The following RAB37 variants were observed in gnomAD, a reference collection of about 807,000 sequenced individuals.
RAB37 encodes the protein RAB37, member RAS oncogene family.
A neutral mutation model predicts 33.1 loss-of-function variants in RAB37; 29 were observed. That is an observed-to-expected ratio of 0.88 (90% CI 0.65 to 1.20). The LOEUF is 1.20. Ranked by LOEUF, RAB37 falls within the 50% of genes most tolerant of loss-of-function variation. The pLI is 0.00. For missense variants in RAB37, 299 were observed against 301.1 expected, an observed-to-expected ratio of 0.99 and a Z score of 0.05; for synonymous variants, 128 against 119.5, an observed-to-expected ratio of 1.07 and a Z score of -0.47.
upstream of RAB37, chr17:74,737,132 C>T (rs764425740): frequency 1.3e-6 from 2 of 1,539,444 alleles, no homozygotes; most frequent in Non-Finnish European, 1.8e-6. Context: ...GAGCCGGTGT[C>T]GTCGAGGGGG....
intron 1 of RAB37, among the ~76,000 whole-genome samples, chr17:74,740,210 C>CA (rs547885619): frequency 0.095 from 13,493 of 141,740 alleles, 675 homozygotes; most frequent in East Asian, 0.17. Context: ...TGTTGTGACA[C>CA]AAAAAAAAAA....
intron 1 of RAB37, among the ~76,000 whole-genome samples, chr17:74,728,700 T>C (rs1435848740): frequency 6.6e-6 from 1 of 151,840 alleles, no homozygotes; most frequent in Admixed American, 6.6e-5. Context: ...GTTCTGTGCA[T>C]GTGTGTGCAT....
Position 74,737,332 on chromosome 17 carries a change from G to A in RAB37, c.60G>A (p.Pro20=), listed in dbSNP as rs1448950901. The A allele has an allele frequency of 1.3e-6, 2 of 1,577,886 alleles. No homozygotes were observed. The highest frequency in any genetic ancestry group is 1.3e-5 in the African/African-American group (1 of 74,834). The change falls in exon 1 of 9, where the codon CCG becomes CCA. Residue 20 remains proline (P), a synonymous_variant. Transcript: ENST00000392613. ...ATGGCGAGGCCCCCGAGCGCTCCCC[G>A]CCCTGCAGTCCGAGCTACGACCTCA... The part of the protein sequence containing the change: ...TRDGEAPERS[P]PCSPSYDLTG...
chr17:74,745,243 G>T lies in RAB37; in HGVS notation c.567-63G>T. On this transcript the variant is annotated intron_variant, in intron 8 of 8. Transcript: ENST00000392613. The surrounding 1 kb of genome is among the most constrained non-coding windows in gnomAD (Gnocchi z 4.5). Reference sequence around the variant, plus strand: ...ACTGGGCCACTGGGAGAGGGGAGGGGGCGGCTCAGCTCCTCACCCCAGCCC... The same window carrying T: ...ACTGGGCCACTGGGAGAGGGGAGGGTGCGGCTCAGCTCCTCACCCCAGCCC... 6.4e-7 allele frequency: 1 copy of T among 1,555,296 alleles called. No individual in the cohort carries two copies. The highest frequency in any genetic ancestry group is 1.7e-4 in the Middle Eastern group (1 of 5,800).
At chr17:74,733,339 G>A (rs1173185348), upstream of RAB37, among the ~76,000 whole-genome samples, 1 of 152,024 alleles carries the variant, frequency 6.6e-6, no homozygotes, top group Admixed American at 6.6e-5. Context: ...ATAATGTAGG[G>A]TGTGAGGCAT....
Position 74,742,035 on chromosome 17 carries a change from G to A in RAB37, c.205-219G>A, listed in dbSNP as rs1048457635. Among the ~76,000 whole-genome samples the A allele has an allele frequency of 6.6e-6, 1 of 152,196 alleles. No homozygotes were observed. The highest frequency in any genetic ancestry group is 1.5e-5 in the Non-Finnish European group (1 of 68,034). On this transcript the variant is annotated intron_variant, in intron 2 of 8. Transcript: ENST00000392613. The surrounding 1 kb of genome is among the most constrained non-coding windows in gnomAD (Gnocchi z 4.0). Reference sequence around the variant, plus strand: ...TTTCTCAGGCTCCTCTTGCCCTGCTGTTGTGAGAAGGCAGTTACAGTCCTC... The same window carrying A: ...TTTCTCAGGCTCCTCTTGCCCTGCTATTGTGAGAAGGCAGTTACAGTCCTC...
At chr17:74,727,399 C>A (rs928551419) in intron 1 of RAB37, among the ~76,000 whole-genome samples, 2 of 152,192 alleles carry the variant, frequency 1.3e-5, no homozygotes, top group Admixed American at 1.3e-4. Context: ...CAGGTTGGAT[C>A]CCCGTGAAGG....
chr17:74,701,868 A>T (rs1240236440), intron 1 of RAB37, among the ~76,000 whole-genome samples: 2 of 146,190 alleles, frequency 1.4e-5, no homozygotes, highest in Admixed American at 6.9e-5. Context: ...AAAAAAAAAC[A>T]ATTAGCTGGG....
chr17:74,704,408 T>C, intron 1 of RAB37: 1 of 1,121,570 alleles, frequency 8.9e-7, no homozygotes, highest in Non-Finnish European at 1.3e-6. Context: ...TTAAATCACT[T>C]GAGTAGGACC....
At chr17:74,724,709 C>T (rs1261481797) in intron 1 of RAB37, among the ~76,000 whole-genome samples, 1 of 152,124 alleles carries the variant, frequency 6.6e-6, no homozygotes, top group Non-Finnish European at 1.5e-5. Context: ...AGTACATTCT[C>T]AAGGGTGGGG....
chr17:74,703,227 C>T, intron 1 of RAB37: 2 of 1,144,996 alleles, frequency 1.7e-6, no homozygotes, highest in Admixed American at 2.0e-5. Context: ...CAGCTCTGAG[C>T]CTGGGCGGGG....
intron 1 of RAB37, chr17:74,694,996 G>T: frequency 7.5e-7 from 1 of 1,327,260 alleles, no homozygotes; most frequent in Non-Finnish European, 1.0e-6. Flanking sequence ...AGAGGCACCA[G>T]TCCCCGGGTT....
chr17:74,709,993 T>G (rs527928889), intron 1 of RAB37, among the ~76,000 whole-genome samples: 2 of 152,336 alleles, frequency 1.3e-5, no homozygotes, highest in South Asian at 4.1e-4. Flanking sequence ...TTGTTTGTTT[T>G]TTTGAGATGG....
At chr17:74,714,068 G>A (rs1226008206) in intron 1 of RAB37, among the ~76,000 whole-genome samples, 1 of 151,894 alleles carries the variant, frequency 6.6e-6, no homozygotes, top group Non-Finnish European at 1.5e-5. Context: ...AAAATTAGCT[G>A]GGCGTGGTAG....
intron 1 of RAB37, among the ~76,000 whole-genome samples, chr17:74,683,293 G>T (rs895089774): frequency 6.6e-6 from 1 of 152,226 alleles, no homozygotes; most frequent in Non-Finnish European, 1.5e-5. Context: ...ACCATCCAGG[G>T]AAGAGGTTGA....
intron 1 of RAB37, among the ~76,000 whole-genome samples, chr17:74,707,837 C>G (rs1165783797): frequency 4.0e-5 from 6 of 151,772 alleles, no homozygotes; most frequent in South Asian, 2.1e-4. Flanking sequence ...CAATGTTATG[C>G]CAATGAATTT....
At chr17:74,728,894 GT>G (rs1276437786) in intron 1 of RAB37, among the ~76,000 whole-genome samples, 1 of 151,758 alleles carries the variant, frequency 6.6e-6, no homozygotes, top group East Asian at 1.9e-4. Flanking sequence ...GTGTACATGT[GT>G]TTTTCTGTGT....
At chr17:74,717,744 G>A (rs1463506049) in intron 1 of RAB37, among the ~76,000 whole-genome samples, 1 of 151,068 alleles carries the variant, frequency 6.6e-6, no homozygotes, top group Non-Finnish European at 1.5e-5. Context: ...GGGAGGCAGA[G>A]GTTGTGGTGA....
intron 1 of RAB37, among the ~76,000 whole-genome samples, chr17:74,674,314 TCAA>T (rs2031773459): frequency 8.3e-6 from 1 of 120,288 alleles, no homozygotes; most frequent in African/African-American, 2.7e-5. Flanking sequence ...ACTCCTGGCC[TCAA>T]GAGATCCACC....
Sources: gnomAD v4.1 joint callset for allele counts (sites outside exome capture counted in the v4.1 genomes callset) on GRCh38, gnomAD v4.1.1 for gene constraint, Gnocchi (gnomAD v3.1) non-coding constraint, MANE v1.5 for transcripts, NCBI Gene and HGNC (gene_info 2026-07-23, HGNC 2026-07-21) for gene names.